The following ARSL variants were observed in gnomAD, a reference collection of about 807,000 sequenced individuals.
The protein encoded by ARSL is arylsulfatase E (chondrodysplasia punctata 1).
ARSL carries 4 observed loss-of-function variants against 31.1 expected under a neutral mutation model. The ratio of observed to expected loss-of-function variants is 0.13; its 90% CI spans 0.06 to 0.29. The LOEUF is 0.29. Ranked by LOEUF, ARSL falls within the 10% of genes least tolerant of loss-of-function variation. The pLI, the probability that ARSL is intolerant of heterozygous loss-of-function variation, is 1.00. For synonymous variants in ARSL, 198 were observed against 209.9 expected, an observed-to-expected ratio of 0.94 and a Z score of 0.49; for missense variants, 312 against 497.8, an observed-to-expected ratio of 0.63 and a Z score of 3.55.
chrX:2,944,226 C>A (rs12392879), intron 7 of ARSL, among the ~76,000 whole-genome samples: 16 of 108,423 alleles, frequency 1.5e-4, no homozygotes, highest in Admixed American at 6.9e-4. Context: ...GAGGCTGAGG[C>A]GGGCGGATCA....
At chrX:2,952,559 A>C (rs2089476864) in intron 5 of ARSL, among the ~76,000 whole-genome samples, 1 of 111,534 alleles carries the variant, frequency 9.0e-6, no homozygotes, top group Admixed American at 9.6e-5. Context: ...TGCCACCATC[A>C]CCTGGGGGGT....
At chrX:2,938,876 C>T (rs766297118) in intron 8 of ARSL, among the ~76,000 whole-genome samples, 125 of 110,555 alleles carry the variant, frequency 1.1e-3, no homozygotes, top group African/African-American at 4.0e-3. Context: ...AGAGGAGACA[C>T]GGACACAGAG....
chrX:2,967,253 C>T (rs1305949238), upstream of ARSL, among the ~76,000 whole-genome samples: 2 of 111,742 alleles, frequency 1.8e-5, no homozygotes, highest in East Asian at 2.8e-4. Context: ...GGTTAGATAT[C>T]AAGTCTGTGG....
rs747661858 is a variant in ARSL, at chrX:2,946,322, CTTTTTT to C, written c.855-194_855-189del. Among the ~76,000 whole-genome samples, 523 of 69,120 alleles carry C rather than the reference CTTTTTT, an allele frequency of 7.6e-3. 5 individuals are homozygous for C. Among genetic ancestry groups the C allele is most frequent in the African/African-American group, 0.031 (484 of 15,398 alleles). The allele number at this position is 69,120 out of a possible 115,157, so 60.0% of individuals were successfully genotyped here. On this transcript the variant is annotated intron_variant, in intron 6 of 10. Coordinates refer to ENST00000381134, the MANE Select transcript of ARSL (RefSeq NM_000047.3). Reference sequence around the variant, plus strand: ...TTAATTCTTATATTTAACAATCTTCCTTTTTTTTTTTTTTTTTTTTTTTTGGCTATT... The same window carrying C: ...TTAATTCTTATATTTAACAATCTTCCTTTTTTTTTTTTTTTTTTGGCTATT...
intron 6 of ARSL, among the ~76,000 whole-genome samples, chrX:2,947,428 A>G (rs192366429): frequency 1.8e-5 from 2 of 112,585 alleles, no homozygotes; most frequent in East Asian, 2.8e-4. Flanking sequence ...GAGGATTAGG[A>G]CATAAAATAG....
rs753234122 is a variant in ARSL, at chrX:2,962,072, G to C, written c.-20-1652C>G. On this transcript the variant is annotated intron_variant, in intron 1 of 10. Coordinates refer to ENST00000381134, the MANE Select transcript of ARSL (RefSeq NM_000047.3). The stretch of plus-strand genomic sequence containing the variant: ...AGGAAATGTTTAAATCTATGTATAA[G>C]CTGGAAGCCCCCTGACTTTGAGTTG... Among the ~76,000 whole-genome samples, 11 of 109,851 alleles carry C rather than the reference G, an allele frequency of 1.0e-4. No homozygotes were observed. In the South Asian group the frequency reaches 4.4e-3, roughly 44 times the overall value.
At chrX:2,954,260 C>T (rs1390270046) in intron 4 of ARSL, among the ~76,000 whole-genome samples, 1 of 111,152 alleles carries the variant, frequency 9.0e-6, no homozygotes, top group African/African-American at 3.3e-5. Flanking sequence ...TTATTCTGCT[C>T]TCCAGACATT....
chrX:2,957,608 G>A (rs892117949), intron 3 of ARSL, among the ~76,000 whole-genome samples: 9 of 108,022 alleles, frequency 8.3e-5, no homozygotes, highest in Non-Finnish European at 1.3e-4. Context: ...ACTCTGGAGA[G>A]TAAGGCAGGA....
chrX:2,955,391 A>G lies in ARSL; in HGVS notation c.307+25T>C, dbSNP rs1405806056. ...TGACGAATACACCAGGCTGCACCCT[A>G]GTGCAGTTGTAAAGAGAGACTGACC... On this transcript the variant is annotated intron_variant, in intron 4 of 10. Transcript: ENST00000381134. 2.5e-6 allele frequency: 3 copies of G among 1,210,022 alleles called. No homozygotes were observed. The East Asian group carries it at 8.9e-5, about 36-fold the overall frequency.
upstream of ARSL, among the ~76,000 whole-genome samples, chrX:2,965,874 C>T (rs1315337256): frequency 8.9e-6 from 1 of 112,535 alleles, no homozygotes; most frequent in Non-Finnish European, 1.9e-5. Flanking sequence ...GCACTCCAGC[C>T]TGGGCGGCAG....
At chrX:2,949,073 C>A (rs1221111880) in intron 6 of ARSL, among the ~76,000 whole-genome samples, 1 of 110,495 alleles carries the variant, frequency 9.1e-6, no homozygotes, top group Non-Finnish European at 1.9e-5. Context: ...CAGGCATGCA[C>A]CTGTAAAGCC....
intron 1 of ARSL, among the ~76,000 whole-genome samples, chrX:2,963,132 G>A (rs1362618735): frequency 1.8e-5 from 2 of 112,141 alleles, no homozygotes; most frequent in African/African-American, 3.2e-5. Flanking sequence ...TAAGGTGTAC[G>A]CCGTGCTCGT....
At position 2,935,006 on chromosome X, in the gene ARSL, G is replaced by A. The variant is rs758889321; in HGVS notation, c.1596C>T (p.Pro532=). 34 of 1,209,163 alleles carry A rather than the reference G, an allele frequency of 2.8e-5. No individual in the cohort carries two copies. Among genetic ancestry groups the A allele is most frequent in the Admixed American group, 8.8e-5 (4 of 45,571 alleles). The change falls in exon 11 of 11, where the codon CCC becomes CCT. Residue 532 remains proline, a synonymous_variant. Transcript: ENST00000381134. ...CTCGTTCCATCACCTGATAGAACAC[G>A]GGCTCTGAGGCTGGTGTGAGGATGT... The part of the protein sequence containing the change: ...ETHILTPASE[P]VFYQVMERVQ...
At chrX:2,945,254 G>A (rs184932490) in intron 7 of ARSL, among the ~76,000 whole-genome samples, 11 of 111,068 alleles carry the variant, frequency 9.9e-5, no homozygotes, top group Admixed American at 7.7e-4. Flanking sequence ...TGGCGTCCAC[G>A]TGGCCAGAAT....
At chrX:2,937,308 C>T (rs1248567844) in intron 9 of ARSL, among the ~76,000 whole-genome samples, 3 of 108,726 alleles carry the variant, frequency 2.8e-5, no homozygotes, top group Admixed American at 9.8e-5. Context: ...GCAGGAGGAT[C>T]GCTTGAACCC....
At position 2,934,649 on chromosome X, in the gene ARSL, T is replaced by C. The variant is rs1360026801; in HGVS notation, c.*183A>G. The C allele has an allele frequency of 9.6e-6, 4 of 415,313 alleles. No homozygotes were observed. Among genetic ancestry groups the C allele is most frequent in the Non-Finnish European group, 1.7e-5 (4 of 236,878 alleles). The allele number at this position is 415,313 out of a possible 1,213,427, so 34.2% of individuals were successfully genotyped here. On this transcript the variant is annotated 3_prime_UTR_variant, in exon 11 of 11. Transcript: ENST00000381134. ...TGCCACCATGCAGGCTAATTTTTTT[T>C]TTATTTTTGTTTTGTAGAGCTAGAG...
intron 1 of ARSL, among the ~76,000 whole-genome samples, chrX:2,960,935 G>C (rs1462000547): frequency 9.0e-6 from 1 of 111,371 alleles, no homozygotes; most frequent in Non-Finnish European, 1.9e-5. Flanking sequence ...AATACAATGA[G>C]AGGCTGCGCG....
At chrX:2,952,495 C>A (rs2147387828) in intron 5 of ARSL, among the ~76,000 whole-genome samples, 1 of 111,350 alleles carries the variant, frequency 9.0e-6, no homozygotes, top group East Asian at 2.9e-4. Flanking sequence ...GCACTAATCC[C>A]ACACATGAGG....
chrX:2,938,380 T>TTCTC (rs34095951), intron 8 of ARSL, 123 bp from the exon 9 acceptor site: 935 of 743,380 alleles, frequency 1.3e-3, no homozygotes, highest in African/African-American at 8.8e-3. Flanking sequence ...GTCTCTCAAT[T>TTCTC]TCTCTCTCTC....
Sources: gnomAD v4.1 joint callset for allele counts (sites outside exome capture counted in the v4.1 genomes callset) on GRCh38, gnomAD v4.1.1 for gene constraint, MANE v1.5 for transcripts, NCBI Gene and HGNC (gene_info 2026-07-23, HGNC 2026-07-21) for gene names.